NR6A1: variants seen among roughly 807,000 people sequenced by gnomAD.
NR6A1 encodes retinoic acid receptor-related testis-associated receptor.
A neutral mutation model predicts 59.1 loss-of-function variants in NR6A1; 7 were observed. The ratio of observed to expected loss-of-function variants is 0.12; its 90% CI spans 0.07 to 0.22. The LOEUF (loss-of-function observed/expected upper bound fraction) is 0.22. Among genes scored for constraint, NR6A1 ranks in the 10% least tolerant of loss-of-function variants. The pLI is 1.00. For synonymous variants in NR6A1, 243 were observed against 236.1 expected, an observed-to-expected ratio of 1.03 and a Z score of -0.27; for missense variants, 468 against 611.6, an observed-to-expected ratio of 0.77 and a Z score of 2.48.
chr9:124,739,275 T>A (rs1355576775), intron 1 of NR6A1, among the ~76,000 whole-genome samples: 24 of 152,096 alleles, frequency 1.6e-4, no homozygotes, highest in Admixed American at 1.2e-3. Context: ...TCAAATTAAC[T>A]ACTCCAAACC....
At chr9:124,767,796 A>T (rs945315831) in intron 1 of NR6A1, among the ~76,000 whole-genome samples, 8 of 152,218 alleles carry the variant, frequency 5.3e-5, no homozygotes, top group Admixed American at 2.0e-4. Flanking sequence ...CTAAAGTGTA[A>T]TTACATAAAA....
Position 124,586,667 on chromosome 9 carries a change from C to T in NR6A1, c.143-32097G>A, listed in dbSNP as rs142313669. 3.5e-3 allele frequency among the ~76,000 whole-genome samples: 526 copies of T among 152,010 alleles called. 4 individuals carry two copies. Among genetic ancestry groups the T allele is most frequent in the African/African-American group, 0.012 (488 of 41,446 alleles). On this transcript the variant is annotated intron_variant, in intron 2 of 9. Transcript: ENST00000487099. ...TCTCACTATGTTGCCCAGGCTGGTC[C>T]CCAAGTCCTGAGCTCAAGCAATCCT...
At chr9:124,570,158 G>A (rs903663627) in intron 2 of NR6A1, among the ~76,000 whole-genome samples, 1 of 152,188 alleles carries the variant, frequency 6.6e-6, no homozygotes, top group Non-Finnish European at 1.5e-5. Context: ...CTGATTTACT[G>A]AGATGAATAC....
In NR6A1 at chr9:124,769,731, G is replaced by A. The variant is rs1039732998; in HGVS notation, c.100+1289C>T. On this transcript the variant is annotated intron_variant, in intron 1 of 9. Transcript: ENST00000487099. ...CCTTTATTCGGAAATGAGGAGATGT[G>A]AAAGGTGGAAAACAGGGCAAATAAA... is the stretch of plus-strand genomic sequence containing the variant. Among the ~76,000 whole-genome samples the A allele has an allele frequency of 9.2e-5, 14 of 152,224 alleles. 1 individual carries two copies. Among genetic ancestry groups the A allele is most frequent in the African/African-American group, 3.4e-4 (14 of 41,460 alleles).
chr9:124,753,482 T>C (rs557213635), intron 1 of NR6A1, among the ~76,000 whole-genome samples: 35 of 152,280 alleles, frequency 2.3e-4, no homozygotes, highest in African/African-American at 8.4e-4. Flanking sequence ...AAAAATCATG[T>C]GGTGATACAG....
intron 2 of NR6A1, among the ~76,000 whole-genome samples, chr9:124,675,125 T>C (rs1470729925): frequency 6.6e-6 from 1 of 152,222 alleles, no homozygotes; most frequent in East Asian, 1.9e-4. Context: ...AGAAGAGGTA[T>C]CTAAAGACGC....
chr9:124,766,333 T>C (rs897336417), intron 1 of NR6A1, among the ~76,000 whole-genome samples: 1 of 152,242 alleles, frequency 6.6e-6, no homozygotes, highest in African/African-American at 2.4e-5. Flanking sequence ...CACAACTTAA[T>C]TGGTTTTGGA....
chr9:124,524,940 A>C, intron 8 of NR6A1, 67 bp from the exon 9 acceptor site: 14 of 1,502,146 alleles, frequency 9.3e-6, no homozygotes, highest in Non-Finnish European at 1.2e-5. Context: ...TGTGGAAGAA[A>C]CACCAGCTCC....
chr9:124,708,378 G>A (rs1166126531), intron 2 of NR6A1, among the ~76,000 whole-genome samples: 1 of 152,198 alleles, frequency 6.6e-6, no homozygotes, highest in African/African-American at 2.4e-5. Context: ...CTTACCCCAA[G>A]TACAGTGGTT....
chr9:124,658,552 T>C (rs1365158786), intron 2 of NR6A1: 1 of 152,198 alleles, frequency 6.6e-6, no homozygotes, highest in African/African-American at 2.4e-5. Flanking sequence ...GATGCTGTGC[T>C]GGCTGGAAGT....
intron 2 of NR6A1, among the ~76,000 whole-genome samples, chr9:124,559,913 ATCATT>A (rs1316746038): frequency 1.3e-5 from 2 of 152,212 alleles, no homozygotes; most frequent in Non-Finnish European, 2.9e-5. Context: ...TTTTCTTAAT[ATCATT>A]TAAGACTGAA....
At chr9:124,606,785 G>A (rs1426379063) in intron 2 of NR6A1, among the ~76,000 whole-genome samples, 1 of 152,182 alleles carries the variant, frequency 6.6e-6, no homozygotes, top group African/African-American at 2.4e-5. Flanking sequence ...GCCATCACCC[G>A]CTGGCAGCTT....
rs556845409 is a variant in NR6A1, at chr9:124,554,996, C to T, written c.143-426G>A. Among the ~76,000 whole-genome samples, 62 of 152,278 alleles carry T rather than the reference C, an allele frequency of 4.1e-4. 2 individuals carry two copies. In the East Asian group the frequency reaches 0.012, roughly 28 times the overall value. ...GAGTTCTAACCATACCGAGCTAAGC[C>T]GGTCAGCCAGACATCCAGCCAATAA... On this transcript the variant is annotated intron_variant, in intron 2 of 9. Coordinates refer to ENST00000487099, the MANE Select transcript of NR6A1 (RefSeq NM_033334.4).
Position 124,623,147 on chromosome 9 carries a change from A to G in NR6A1, c.143-68577T>C, listed in dbSNP as rs560194392. Among the ~76,000 whole-genome samples the G allele has an allele frequency of 1.1e-3, 168 of 152,214 alleles. 1 individual carries two copies. Among genetic ancestry groups the G allele is most frequent in the Admixed American group, 2.5e-3 (38 of 15,284 alleles). On this transcript the variant is annotated intron_variant, in intron 2 of 9. Transcript: ENST00000487099. The stretch of plus-strand genomic sequence containing the variant: ...AGCCCTCTGCAGAGGTCATGGCAGG[A>G]CAAGAAAGGGAAACTGTCAAAATGA...
In NR6A1 at chr9:124,538,067, G is replaced by T. The variant is rs761554081; in HGVS notation, c.824+25C>A. 3.2e-6 allele frequency: 5 copies of T among 1,574,106 alleles called. No individual in the cohort carries two copies. In the African/African-American group the frequency reaches 5.4e-5, roughly 17 times the overall value. On this transcript the variant is annotated intron_variant, in intron 6 of 9. Coordinates refer to ENST00000487099, the MANE Select transcript of NR6A1 (RefSeq NM_033334.4). Reference sequence around the variant, plus strand: ...TAGGGACACTTTGAGACTGCAAGGGGCCAAGAAGGGCGGAGCTCACTCACC... The same window carrying T: ...TAGGGACACTTTGAGACTGCAAGGGTCCAAGAAGGGCGGAGCTCACTCACC...
intron 2 of NR6A1, among the ~76,000 whole-genome samples, chr9:124,632,409 T>C (rs1836473325): frequency 6.6e-6 from 1 of 152,260 alleles, no homozygotes; most frequent in South Asian, 2.1e-4. Context: ...AACATTTCTC[T>C]AAGGATCAGT....
In NR6A1 at chr9:124,654,875, T is replaced by TACACACACACACACACAC. The variant is rs3983841; in HGVS notation, c.142+78415_142+78432dup. On this transcript the variant is annotated intron_variant, in intron 2 of 9. Transcript: ENST00000487099. ...TTTATACATACATTTTTTTTTTTTG[T>TACACACACACACACACAC]ACACACACACACACACACACACACA... Among the ~76,000 whole-genome samples the TACACACACACACACACAC allele has an allele frequency of 5.7e-3, 707 of 123,880 alleles. 4 individuals carry two copies. The highest frequency in any genetic ancestry group is 8.8e-3 in the Non-Finnish European group (532 of 60,488). 81.3% of individuals were successfully genotyped at this position (123,880 alleles called of 152,430 possible). A position where few individuals can be genotyped will look rare whatever the true frequency, so the allele number is the denominator to read the frequency against.
chr9:124,607,979 T>TGAG (rs1835620019), intron 2 of NR6A1, among the ~76,000 whole-genome samples: 2 of 151,974 alleles, frequency 1.3e-5, no homozygotes, highest in Non-Finnish European at 2.9e-5. Flanking sequence ...GGCTGAAGCA[T>TGAG]GAGGATTGCT....
In NR6A1 at chr9:124,730,608, T is replaced by A. The variant is rs529671174; in HGVS notation, c.142+2700A>T. ...TATTCTATACTGATGTATAAAATTA[T>A]GTCTCAATGTCTGTTCATTCTCATG... On this transcript the variant is annotated intron_variant, in intron 2 of 9. Coordinates refer to ENST00000487099, the MANE Select transcript of NR6A1 (RefSeq NM_033334.4). Among the ~76,000 whole-genome samples, 13 of 150,694 alleles carry A rather than the reference T, an allele frequency of 8.6e-5. 1 individual carries two copies. Among genetic ancestry groups the A allele is most frequent in the Admixed American group, 8.0e-4 (12 of 15,014 alleles).
Sources: allele counts gnomAD v4.1 joint callset (sites outside exome capture counted in the v4.1 genomes callset), GRCh38; gene constraint gnomAD v4.1.1; transcripts MANE v1.5; gene names NCBI Gene and HGNC (gene_info 2026-07-23, HGNC 2026-07-21).